Variants in ERMP1 observed in about 807,000 individuals in gnomAD.
The protein encoded by ERMP1 is endoplasmic reticulum metallopeptidase 1.
In ERMP1, 86 loss-of-function variants were observed where a neutral mutation model predicts 92.0. That is an observed-to-expected ratio of 0.93 (90% CI 0.79 to 1.12). The LOEUF is 1.12. Ranked by LOEUF, ERMP1 falls within the 50% of genes most tolerant of loss-of-function variation. The pLI, the probability that ERMP1 is intolerant of heterozygous loss-of-function variation, is 0.00. For synonymous variants in ERMP1, 530 were observed against 412.8 expected, an observed-to-expected ratio of 1.28 and a Z score of -3.44; for missense variants, 1,342 against 1,116.3, an observed-to-expected ratio of 1.20 and a Z score of -2.88.
intron 4 of ERMP1, among the ~76,000 whole-genome samples, chr9:5,814,947 T>A (rs1245697771): frequency 2.0e-5 from 3 of 152,108 alleles, no homozygotes; most frequent in Non-Finnish European, 4.4e-5. Flanking sequence ...TGAAAAAACA[T>A]AACTGATGTT....
Position 5,811,096 on chromosome 9 carries a change from G to A in ERMP1, c.1327+15C>T, listed in dbSNP as rs373517941. The A allele has an allele frequency of 6.3e-6, 10 of 1,576,476 alleles. No individual in the cohort carries two copies. Among genetic ancestry groups the A allele is most frequent in the Non-Finnish European group, 8.7e-6 (10 of 1,146,258 alleles). ...AGCAATGCCAGTATTTGTAGTTTTA[G>A]AGGAAAATACTTACTCTTATGTTTG... is the stretch of plus-strand genomic sequence containing the variant. On this transcript the variant is annotated intron_variant, in intron 7 of 14. Coordinates refer to ENST00000339450, the MANE Select transcript of ERMP1 (RefSeq NM_024896.3).
rs767341213 is a variant in ERMP1 at position 5,787,325 on chromosome 9, A to G, written c.2551-17T>C. ...TTCTGAAACCTGCCAGAGAAAATCAATTAGTTCTCCAGTTCTCAGAAGCCA... is the reference window on the plus strand; with the variant it reads ...TTCTGAAACCTGCCAGAGAAAATCAGTTAGTTCTCCAGTTCTCAGAAGCCA... On this transcript the variant is annotated splice_polypyrimidine_tract_variant and intron_variant, in intron 14 of 14. Coordinates refer to ENST00000339450, the MANE Select transcript of ERMP1 (RefSeq NM_024896.3). 30 of 1,609,670 alleles carry G rather than the reference A, an allele frequency of 1.9e-5. No individual in the cohort carries two copies. In the Admixed American group the frequency reaches 3.0e-4, roughly 16 times the overall value.
chr9:5,798,263 C>A (rs1309612000), intron 12 of ERMP1, among the ~76,000 whole-genome samples: 1 of 151,966 alleles, frequency 6.6e-6, no homozygotes, highest in Non-Finnish European at 1.5e-5. Flanking sequence ...GTTGCCCAGG[C>A]TGGAGTGAAA....
chr9:5,812,815 C>A, intron 5 of ERMP1, 74 bp downstream of exon 5: 1 of 1,520,128 alleles, frequency 6.6e-7, no homozygotes, highest in Non-Finnish European at 9.1e-7. Context: ...TGTTTACTCA[C>A]ATACTTTCAA....
intron 2 of ERMP1, among the ~76,000 whole-genome samples, chr9:5,827,158 G>A (rs1227633569): frequency 6.6e-6 from 1 of 152,138 alleles, no homozygotes; most frequent in African/African-American, 2.4e-5. Flanking sequence ...ATCAATTCCT[G>A]AGTCCTAGAT....
At chr9:5,847,595 T>TACAAA (rs895210563) in intron 6 of ERMP1, among the ~76,000 whole-genome samples, 4 of 148,418 alleles carry the variant, frequency 2.7e-5, no homozygotes, top group African/African-American at 9.8e-5. Context: ...GAATAACATG[T>TACAAA]ACAAAACAAA....
At chr9:5,808,101 G>A (rs1328867357) in intron 8 of ERMP1, among the ~76,000 whole-genome samples, 1 of 152,120 alleles carries the variant, frequency 6.6e-6, no homozygotes, top group African/African-American at 2.4e-5. Flanking sequence ...GGGATTACAG[G>A]TGTAAGCCAC....
chr9:5,860,604 A>G (rs6477008), intron 5 of ERMP1, among the ~76,000 whole-genome samples: 142,910 of 150,888 alleles, frequency 0.95, 68,054 homozygotes, highest in East Asian at 1. Context: ...TATCAACTTC[A>G]GTCCACAATT....
intron 6 of ERMP1, among the ~76,000 whole-genome samples, chr9:5,842,237 G>A (rs1830174227): frequency 6.6e-6 from 1 of 152,080 alleles, no homozygotes. Context: ...TTTACAGAGT[G>A]CTGATTGGTC....
Position 5,805,665 on chromosome 9 carries a change from C to T in ERMP1, c.1669G>A (p.Val557Ile). 1 of 1,612,598 alleles carries T rather than the reference C, an allele frequency of 6.2e-7. No homozygotes were observed. Reference protein sequence around the residue: ...LCSAFISAVWVAFPLLTKLCV... With the variant: ...LCSAFISAVWIAFPLLTKLCV... Reference sequence around the variant, plus strand: ...AGCTTTGTGAGCAATGGGAATGCTACCCAGACAGCACTAATAAACGCCGAG... The same window carrying T: ...AGCTTTGTGAGCAATGGGAATGCTATCCAGACAGCACTAATAAACGCCGAG... The change falls in exon 9 of 15, where the codon GTA becomes ATA. Residue 557 changes from valine (V) to isoleucine (I), a missense_variant. Coordinates refer to ENST00000339450, the MANE Select transcript of ERMP1 (RefSeq NM_024896.3).
intron 8 of ERMP1, among the ~76,000 whole-genome samples, 177 bp from the exon 9 acceptor site, chr9:5,805,962 G>C (rs1828855657): frequency 2.0e-5 from 3 of 152,186 alleles, no homozygotes; most frequent in African/African-American, 7.2e-5. Context: ...TCATGAAGTA[G>C]TAAATTCAAA....
intron 1 of ERMP1, 30 bp downstream of exon 1, chr9:5,832,660 C>T: frequency 7.3e-7 from 1 of 1,369,742 alleles, no homozygotes. Flanking sequence ...AACGGACGCG[C>T]GGGCCGTGCC....
Position 5,823,998 on chromosome 9 carries a change from T to C in ERMP1, c.772A>G (p.Ser258Gly), listed in dbSNP as rs1190174091. The C allele has an allele frequency of 1.1e-5, 18 of 1,610,496 alleles. No homozygotes were observed. Among genetic ancestry groups the C allele is most frequent in the Non-Finnish European group, 1.4e-5 (16 of 1,177,872 alleles). ...NGAEENVLQA[S>G]HGFITQHPWA... ...GGGTGCTGAGTAATGAAACCATGAC[T>C]GGCCTTAAAGAGAAGGAAAGAAAAC... The change falls in exon 4 of 15, where the codon AGT becomes GGT. Residue 258 changes from serine to glycine, a missense_variant. Physicochemically the swap from Ser to Gly is moderately conservative, Grantham distance 56 (BLOSUM62 0). Transcript: ENST00000339450.
At chr9:5,809,687 A>C (rs1259268337) in intron 8 of ERMP1, among the ~76,000 whole-genome samples, 1 of 152,208 alleles carries the variant, frequency 6.6e-6, no homozygotes, top group Admixed American at 6.5e-5. Context: ...ACAGATATTC[A>C]AATAACATAA....
Position 5,787,128 on chromosome 9 carries a change from G to A in ERMP1, c.*16C>T. On this transcript the variant is annotated 3_prime_UTR_variant, in exon 15 of 15. Coordinates refer to ENST00000339450, the MANE Select transcript of ERMP1 (RefSeq NM_024896.3). ...GGAGTATCCACTGGGCATGTACTTA[G>A]AGCTCATCCACAAGATTAAAATACA... The A allele has an allele frequency of 6.2e-7, 1 of 1,608,280 alleles. No homozygotes were observed. Among genetic ancestry groups the A allele is most frequent in the Non-Finnish European group, 8.5e-7 (1 of 1,176,908 alleles).
At chr9:5,864,524 AG>A (rs1285671428) in intron 5 of ERMP1, among the ~76,000 whole-genome samples, 5 of 152,166 alleles carry the variant, frequency 3.3e-5, no homozygotes, top group South Asian at 2.1e-4. Context: ...CCCCGTGGGG[AG>A]GGGGGCGAGC....
Position 5,797,947 on chromosome 9 carries a change from A to G in ERMP1, c.2271-15T>C. The G allele has an allele frequency of 1.3e-6, 2 of 1,540,416 alleles. No individual in the cohort carries two copies. The highest frequency in any genetic ancestry group is 1.8e-6 in the Non-Finnish European group (2 of 1,113,816). On this transcript the variant is annotated splice_polypyrimidine_tract_variant and intron_variant, in intron 12 of 14. Coordinates refer to ENST00000339450, the MANE Select transcript of ERMP1 (RefSeq NM_024896.3). The stretch of plus-strand genomic sequence containing the variant: ...ACCAGTTTTTCCTATTTAGAAAGGA[A>G]GCTTCAGTTTTAGGGTGCTTTATTA...
chr9:5,854,179 G>A (rs1830343857), intron 6 of ERMP1, among the ~76,000 whole-genome samples: 1 of 152,030 alleles, frequency 6.6e-6, no homozygotes, highest in Non-Finnish European at 1.5e-5. Context: ...ATCTGGAGGA[G>A]GAGAAGGGGC....
intron 6 of ERMP1, among the ~76,000 whole-genome samples, chr9:5,850,442 A>G (rs112764510): frequency 0.06 from 8,765 of 145,498 alleles, 437 homozygotes; most frequent in African/African-American, 0.12. Context: ...AGAAGAAGAA[A>G]AAAAGAAATA....
Sources: gnomAD v4.1 joint callset for allele counts (sites outside exome capture counted in the v4.1 genomes callset) on GRCh38, gnomAD v4.1.1 for gene constraint, MANE v1.5 for transcripts, NCBI Gene and HGNC (gene_info 2026-07-23, HGNC 2026-07-21) for gene names.